LRP1B: variants seen among roughly 807,000 people sequenced by gnomAD.
LRP1B encodes LDL receptor related protein 1B.
In LRP1B, 217 loss-of-function variants were observed where a neutral mutation model predicts 556.6. That is an observed-to-expected ratio of 0.39 (90% CI 0.35 to 0.44). The LOEUF is 0.44. Among genes scored for constraint, LRP1B ranks in the 20% least tolerant of loss-of-function variants. The pLI, the probability that LRP1B is intolerant of heterozygous loss-of-function variation, is 1.00. For synonymous variants in LRP1B, 2,047 were observed against 1,865.8 expected, an observed-to-expected ratio of 1.10 and a Z score of -2.50; for missense variants, 5,053 against 5,620.8, an observed-to-expected ratio of 0.90 and a Z score of 3.23.
At chr2:140,246,575 A>G (rs1558923045) in intron 87 of LRP1B, among the ~76,000 whole-genome samples, 1 of 46,832 alleles carries the variant, frequency 2.1e-5, no homozygotes, top group African/African-American at 3.8e-5. Flanking sequence ...ATACTTCAAA[A>G]CCAATACTTT....
chr2:140,765,993 C>A (rs1238231616), intron 35 of LRP1B, among the ~76,000 whole-genome samples: 1 of 151,554 alleles, frequency 6.6e-6, no homozygotes, highest in African/African-American at 2.4e-5. Flanking sequence ...TGCACATGTA[C>A]CCTAAAACTT....
chr2:141,761,281 T>C (rs1368718531), intron 2 of LRP1B, among the ~76,000 whole-genome samples: 1 of 152,114 alleles, frequency 6.6e-6, no homozygotes, highest in Non-Finnish European at 1.5e-5. Flanking sequence ...TGCAGTACAT[T>C]GCCCAGAGGT....
intron 3 of LRP1B, among the ~76,000 whole-genome samples, chr2:141,474,634 A>G (rs1057036167): frequency 2.0e-5 from 3 of 152,178 alleles, no homozygotes; most frequent in African/African-American, 7.2e-5. Flanking sequence ...TGTAATTTAA[A>G]AGTCTGAATA....
chr2:140,666,076 C>T (rs1352113581), intron 41 of LRP1B, among the ~76,000 whole-genome samples: 5 of 151,654 alleles, frequency 3.3e-5, no homozygotes, highest in Admixed American at 1.3e-4. Flanking sequence ...TCACTGCAAC[C>T]TCTGCCCTCC....
At chr2:140,756,931 C>A (rs748223443) in intron 35 of LRP1B, among the ~76,000 whole-genome samples, 1 of 151,998 alleles carries the variant, frequency 6.6e-6, no homozygotes. Context: ...GGAGTTTTAT[C>A]TAGAATGTAT....
chr2:140,892,673 A>C (rs12463802), intron 23 of LRP1B, among the ~76,000 whole-genome samples: 79,999 of 151,848 alleles, frequency 0.53, 22,633 homozygotes, highest in Middle Eastern at 0.66. Context: ...ACTGGTCCTA[A>C]AGGAATTTTT....
At chr2:140,645,363 T>G (rs1574185431) in intron 41 of LRP1B, among the ~76,000 whole-genome samples, 1 of 152,018 alleles carries the variant, frequency 6.6e-6, no homozygotes, top group East Asian at 1.9e-4. Context: ...ATAATGAGCT[T>G]TCCACTTGAC....
chr2:141,019,303 C>T (rs112840381), intron 12 of LRP1B, among the ~76,000 whole-genome samples: 3,561 of 152,064 alleles, frequency 0.023, 71 homozygotes, highest in South Asian at 0.035. Context: ...GGTTGTCACC[C>T]TAGACTAATA....
chr2:141,794,372 C>G (rs1695731952), intron 2 of LRP1B, among the ~76,000 whole-genome samples: 2 of 151,874 alleles, frequency 1.3e-5, no homozygotes, highest in South Asian at 4.2e-4. Flanking sequence ...TACAAATCAC[C>G]TTATTACAAA....
At chr2:141,480,196 G>C (rs1459386041) in intron 3 of LRP1B, among the ~76,000 whole-genome samples, 200 bp downstream of exon 3, 1 of 136,410 alleles carries the variant, frequency 7.3e-6, no homozygotes, top group Non-Finnish European at 1.6e-5. Flanking sequence ...TGTGTGTGTT[G>C]TCTAATGGTG....
chr2:142,081,497 A>G (rs1705714730), intron 1 of LRP1B, among the ~76,000 whole-genome samples: 1 of 152,180 alleles, frequency 6.6e-6, no homozygotes, highest in African/African-American at 2.4e-5. Flanking sequence ...GACAGCAACC[A>G]GAAAGGAGGT....
intron 59 of LRP1B, among the ~76,000 whole-genome samples, chr2:140,483,640 A>ATATATATATATTT (rs1491228405): frequency 3.1e-4 from 22 of 70,730 alleles, no homozygotes; most frequent in South Asian, 5.2e-4. Flanking sequence ...ATATATATAT[A>ATATATATATATTT]TTTTTTTTTT....
At chr2:141,434,877 C>T (rs909585142) in intron 3 of LRP1B, among the ~76,000 whole-genome samples, 1 of 152,106 alleles carries the variant, frequency 6.6e-6, no homozygotes, top group African/African-American at 2.4e-5. Flanking sequence ...CGCATTTTTT[C>T]TTTTAATCTG....
intron 1 of LRP1B, among the ~76,000 whole-genome samples, chr2:141,846,824 CCAG>C (rs527477673): frequency 3.3e-5 from 5 of 151,162 alleles, no homozygotes; most frequent in Non-Finnish European, 7.4e-5. Flanking sequence ...AAATCTAAAA[CCAG>C]CATTTTTCTT....
At chr2:141,457,258 T>G (rs1681669855) in intron 3 of LRP1B, among the ~76,000 whole-genome samples, 1 of 152,136 alleles carries the variant, frequency 6.6e-6, no homozygotes, top group Non-Finnish European at 1.5e-5. Context: ...GGTTACTATA[T>G]GGAAGGTGAC....
intron 2 of LRP1B, among the ~76,000 whole-genome samples, chr2:141,526,774 C>T (rs1684705947): frequency 1.3e-5 from 2 of 151,966 alleles, no homozygotes; most frequent in Non-Finnish European, 2.9e-5. Context: ...ATGCTTTGCC[C>T]AAGCTTCCCA....
At chr2:140,892,284 G>A (rs968474612) in intron 23 of LRP1B, among the ~76,000 whole-genome samples, 9 of 152,182 alleles carry the variant, frequency 5.9e-5, no homozygotes, top group African/African-American at 1.4e-4. Context: ...AGAGGTCACC[G>A]TGGATGAAGT....
At chr2:141,544,408 C>CTT (rs1685476065) in intron 2 of LRP1B, among the ~76,000 whole-genome samples, 1 of 81,718 alleles carries the variant, frequency 1.2e-5, no homozygotes, top group East Asian at 3.7e-4. Flanking sequence ...TCCTCCTCCT[C>CTT]CTCCTTCTCC....
intron 1 of LRP1B, among the ~76,000 whole-genome samples, chr2:142,067,060 T>C (rs1002610679): frequency 4.6e-5 from 7 of 151,490 alleles, no homozygotes; most frequent in Non-Finnish European, 1.0e-4. Flanking sequence ...AAGCCAGCAA[T>C]GGTGGGTTGA....
Sources: gnomAD v4.1 joint callset for allele counts (sites outside exome capture counted in the v4.1 genomes callset) on GRCh38, gnomAD v4.1.1 for gene constraint, MANE v1.5 for transcripts, NCBI Gene and HGNC (gene_info 2026-07-23, HGNC 2026-07-21) for gene names.